The following METTL8 variants were observed in gnomAD, a reference collection of about 807,000 sequenced individuals.
METTL8 encodes tRNA N(3)-cytidine methyltransferase METTL8, mitochondrial.
METTL8 carries 32 observed loss-of-function variants against 48.7 expected under a neutral mutation model. The ratio of observed to expected loss-of-function variants is 0.66; its 90% confidence interval spans 0.50 to 0.88. The LOEUF (loss-of-function observed/expected upper bound fraction) is 0.88, where lower values mean the gene tolerates loss of function less well. Among genes scored for constraint, METTL8 ranks in the 40% least tolerant of loss-of-function variants. METTL8 has a pLI of 0.00. For missense variants in METTL8, 464 were observed against 474.4 expected (o/e 0.98, Z 0.20); for synonymous variants, 136 against 157.1 (o/e 0.87, Z 1.01).
intron 1 of METTL8, among the ~76,000 whole-genome samples, chr2:171,397,612 CA>C (rs1689239158): frequency 7.1e-6 from 1 of 140,238 alleles, no homozygotes; most frequent in Non-Finnish European, 1.5e-5. Context: ...ATGAGCAAAG[CA>C]GGGAAAAATC....
At position 171,316,235 on chromosome 2, in the gene METTL8, G is replaced by C. The variant is rs560529498; in HGVS notation, c.*7937C>G. 3.9e-4 allele frequency among the ~76,000 whole-genome samples: 60 copies of C among 152,320 alleles called. No individual in the cohort carries two copies. The highest frequency in any genetic ancestry group is 6.8e-3 in the Middle Eastern group (2 of 294). Reference sequence around the variant, plus strand: ...GGAATGAGCAGGACTTAATTCTCATGCCGGCATGGGGCTGCCGGGCACCCA... The same window carrying C: ...GGAATGAGCAGGACTTAATTCTCATCCCGGCATGGGGCTGCCGGGCACCCA... On this transcript the variant is annotated 3_prime_UTR_variant, in exon 10 of 10. Transcript: ENST00000375258.
At chr2:171,390,957 A>T (rs766038998) in intron 2 of METTL8, among the ~76,000 whole-genome samples, 5 of 152,270 alleles carry the variant, frequency 3.3e-5, no homozygotes, top group Non-Finnish European at 7.3e-5. Flanking sequence ...GTGAGGACTG[A>T]CTGATTTTGA....
chr2:171,397,106 G>A (rs1325755580), intron 1 of METTL8, among the ~76,000 whole-genome samples: 3 of 151,130 alleles, frequency 2.0e-5, no homozygotes, highest in Admixed American at 1.3e-4. Context: ...ACAGGCATCA[G>A]CCATCTTGCC....
At chr2:171,379,290 C>T (rs1687277398) in intron 2 of METTL8, among the ~76,000 whole-genome samples, 1 of 152,070 alleles carries the variant, frequency 6.6e-6, no homozygotes, top group African/African-American at 2.4e-5. Flanking sequence ...ACACTAAATG[C>T]CCACATTGGA....
At chr2:171,361,692 G>A (rs2105475907) in intron 2 of METTL8, among the ~76,000 whole-genome samples, 1 of 152,272 alleles carries the variant, frequency 6.6e-6, no homozygotes, top group Non-Finnish European at 1.5e-5. Flanking sequence ...CATATAGCCA[G>A]GAAGTGGCAG....
chr2:171,380,888 G>GA (rs1687457203), intron 2 of METTL8, among the ~76,000 whole-genome samples: 2 of 152,148 alleles, frequency 1.3e-5, no homozygotes, highest in Non-Finnish European at 2.9e-5. Flanking sequence ...CACAGAATTA[G>GA]AAAAAACTAC....
intron 6 of METTL8, 39 bp from the exon 7 acceptor site, chr2:171,330,737 A>T: frequency 6.5e-7 from 1 of 1,527,070 alleles, no homozygotes; most frequent in Non-Finnish European, 8.8e-7. Context: ...AAGAGGACTT[A>T]GTAGACTTCC....
chr2:171,376,252 A>G (rs1559136607), intron 2 of METTL8, among the ~76,000 whole-genome samples: 1 of 152,126 alleles, frequency 6.6e-6, no homozygotes, highest in Non-Finnish European at 1.5e-5. Context: ...TATCTTCACT[A>G]TTTAAATACT....
intron 3 of METTL8, among the ~76,000 whole-genome samples, chr2:171,349,836 G>C (rs1254098313): frequency 6.6e-6 from 1 of 151,910 alleles, no homozygotes; most frequent in Non-Finnish European, 1.5e-5. Flanking sequence ...GTCATTGTCA[G>C]GTTTATAAAA....
intron 3 of METTL8, among the ~76,000 whole-genome samples, chr2:171,358,078 T>A (rs1006875668): frequency 6.6e-5 from 10 of 151,854 alleles, no homozygotes; most frequent in African/African-American, 2.4e-4. Flanking sequence ...AGGCCAGGTG[T>A]GGTGGCTCAC....
chr2:171,332,114 G>A (rs1685601365), intron 5 of METTL8: 1 of 350,336 alleles, frequency 2.9e-6, no homozygotes, highest in Non-Finnish European at 5.4e-6. Flanking sequence ...TTGAACTATT[G>A]TTCTCAAATG....
intron 1 of METTL8, among the ~76,000 whole-genome samples, chr2:171,428,269 A>G (rs1013476081): frequency 3.9e-5 from 6 of 152,222 alleles, no homozygotes; most frequent in African/African-American, 1.2e-4. Flanking sequence ...TAAGGATTTA[A>G]GTTTTTTTGA....
chr2:171,356,766 A>G (rs1684586357), intron 3 of METTL8, among the ~76,000 whole-genome samples: 1 of 151,986 alleles, frequency 6.6e-6, no homozygotes, highest in African/African-American at 2.4e-5. Context: ...ATAATATTCC[A>G]TTGTGTATAT....
At position 171,325,898 on chromosome 2, in the gene METTL8, A is replaced by C; in HGVS notation, c.976T>G (p.Leu326Val). The C allele has an allele frequency of 2.5e-6, 4 of 1,598,634 alleles. No homozygotes were observed. The highest frequency in any genetic ancestry group is 3.4e-6 in the Non-Finnish European group (4 of 1,169,708). Residue 326 changes from leucine to valine, a missense_variant, in exon 9 of 10, where the codon TTA (leucine) becomes GTA (valine). Coordinates refer to ENST00000375258, the MANE Select transcript of METTL8 (RefSeq NM_001321154.2). Reference sequence around the variant, plus strand: ...CCTCGAACATAAAAATTTTCAGATAAACAATGTCCTGAAAAAAATTGTGAA... The same window carrying C: ...CCTCGAACATAAAAATTTTCAGATACACAATGTCCTGAAAAAAATTGTGAA... ...TQLRFKKGHC[L>V]SENFYVRGDG...
chr2:171,325,084 T>A (rs926197366), intron 9 of METTL8, among the ~76,000 whole-genome samples: 1 of 135,272 alleles, frequency 7.4e-6, no homozygotes, highest in Non-Finnish European at 1.5e-5. Flanking sequence ...ATTGTGCCAC[T>A]GCACTCCAGC....
chr2:171,331,073 G>A (rs1685475470), intron 6 of METTL8, among the ~76,000 whole-genome samples: 1 of 152,006 alleles, frequency 6.6e-6, no homozygotes, highest in Non-Finnish European at 1.5e-5. Context: ...AATTTTGTAG[G>A]TCAGTACCCT....
chr2:171,424,173 T>C (rs1324688359), intron 1 of METTL8, among the ~76,000 whole-genome samples: 3 of 152,170 alleles, frequency 2.0e-5, no homozygotes, highest in African/African-American at 7.2e-5. Context: ...TGCCTAGATT[T>C]CAGAAGATGT....
At chr2:171,419,661 C>G (rs1429681821) in intron 1 of METTL8, among the ~76,000 whole-genome samples, 1 of 152,128 alleles carries the variant, frequency 6.6e-6, no homozygotes. Context: ...CTCTGGCCCC[C>G]TTCAGTGAGG....
intron 2 of METTL8, among the ~76,000 whole-genome samples, chr2:171,385,669 T>C (rs11891287): frequency 0.98 from 149,246 of 152,298 alleles, 73,218 homozygotes; most frequent in Middle Eastern, 1. Flanking sequence ...GCTATGAAGA[T>C]GGATGGCTGT....
Sources: gnomAD v4.1 joint callset for allele counts (sites outside exome capture counted in the v4.1 genomes callset) on GRCh38, gnomAD v4.1.1 for gene constraint, MANE v1.5 for transcripts, NCBI Gene and HGNC (gene_info 2026-07-23, HGNC 2026-07-21) for gene names.